TEX9: variants seen among roughly 807,000 people sequenced by gnomAD.
The protein encoded by TEX9 is testis-expressed protein 9.
In TEX9, 74 loss-of-function variants were observed where a neutral mutation model predicts 59.6. That is an observed-to-expected ratio of 1.24 (90% CI 1.03 to 1.51). The LOEUF is 1.51. Ranked by LOEUF, TEX9 falls within the 40% of genes most tolerant of loss-of-function variation. The pLI is 0.00. For missense variants in TEX9, 522 were observed against 447.8 expected (o/e 1.17, Z -1.49); for synonymous variants, 186 against 152.2 (o/e 1.22, Z -1.64).
chr15:56,438,524 C>A (rs1180343303), intron 12 of TEX9, among the ~76,000 whole-genome samples: 2 of 151,978 alleles, frequency 1.3e-5, no homozygotes, highest in Non-Finnish European at 2.9e-5. Context: ...CATGTTAGAC[C>A]TAAAACCATA....
intron 10 of TEX9, among the ~76,000 whole-genome samples, chr15:56,414,475 T>C (rs570465061): frequency 1.9e-4 from 29 of 151,832 alleles, no homozygotes; most frequent in Non-Finnish European, 3.7e-4. Flanking sequence ...CTCCCACTTA[T>C]AAGTGAAAAC....
intron 12 of TEX9, among the ~76,000 whole-genome samples, chr15:56,440,094 C>G (rs898708109): frequency 6.6e-6 from 1 of 152,050 alleles, no homozygotes; most frequent in Non-Finnish European, 1.5e-5. Flanking sequence ...ATTAGAGAAT[C>G]AGCAAAAGAC....
At chr15:56,309,069 A>G (rs779025106) in intron 1 of TEX9, among the ~76,000 whole-genome samples, 1 of 152,178 alleles carries the variant, frequency 6.6e-6, no homozygotes, top group Non-Finnish European at 1.5e-5. Flanking sequence ...AAGCTTATCA[A>G]TCTACATAAA....
chr15:56,317,420 CCT>C (rs1374684290), intron 1 of TEX9, among the ~76,000 whole-genome samples: 23 of 152,230 alleles, frequency 1.5e-4, no homozygotes, highest in African/African-American at 4.3e-4. Flanking sequence ...TAAGTTTTCC[CCT>C]CTCTTTTCCT....
intron 1 of TEX9, among the ~76,000 whole-genome samples, chr15:56,306,192 A>T (rs1394992494): frequency 7.4e-6 from 1 of 135,780 alleles, no homozygotes; most frequent in African/African-American, 2.8e-5. Flanking sequence ...AACAGTATGG[A>T]GGTTCCTCAG....
At chr15:56,252,981 T>C (rs1218873010) in intron 1 of TEX9, among the ~76,000 whole-genome samples, 2 of 152,144 alleles carry the variant, frequency 1.3e-5, no homozygotes, top group African/African-American at 4.8e-5. Context: ...CCTTCCTTTT[T>C]TTCTGGAAGG....
intron 1 of TEX9, among the ~76,000 whole-genome samples, chr15:56,330,750 A>G (rs912159068): frequency 1.3e-5 from 2 of 152,074 alleles, no homozygotes; most frequent in East Asian, 1.9e-4. Flanking sequence ...ATAAGAAAGA[A>G]GAGAAGGCCA....
intron 1 of TEX9, among the ~76,000 whole-genome samples, chr15:56,351,813 ATTTC>A (rs2046586101): frequency 6.6e-6 from 1 of 152,178 alleles, no homozygotes; most frequent in Non-Finnish European, 1.5e-5. Flanking sequence ...GTCATTGTGT[ATTTC>A]TTTAATTCAA....
chr15:56,322,283 T>G (rs1021099005), intron 1 of TEX9, among the ~76,000 whole-genome samples: 8 of 152,110 alleles, frequency 5.3e-5, no homozygotes, highest in Non-Finnish European at 1.2e-4. Flanking sequence ...CATTTTATTT[T>G]AAGTGTGGCA....
chr15:56,340,026 G>A lies in TEX9; in HGVS notation c.-106-33415G>A, dbSNP rs546038159. ...ACCTTGTATTTTAGAGGCCAAAGTG[G>A]ATAATGACTTGGGGATATGATGGGT... On this transcript the variant is annotated intron_variant, in intron 1 of 5. Transcript: ENST00000560827. Among the ~76,000 whole-genome samples the A allele has an allele frequency of 5.3e-5, 8 of 152,202 alleles. No homozygotes were observed. The South Asian group carries it at 1.2e-3, about 24-fold the overall frequency.
At chr15:56,284,962 G>A (rs1421310402) in intron 1 of TEX9, among the ~76,000 whole-genome samples, 1 of 151,962 alleles carries the variant, frequency 6.6e-6, no homozygotes, top group Non-Finnish European at 1.5e-5. Context: ...GCTCAATTTT[G>A]TATAATGTTC....
At chr15:56,307,556 G>C (rs1179716750) in intron 1 of TEX9, among the ~76,000 whole-genome samples, 1 of 152,156 alleles carries the variant, frequency 6.6e-6, no homozygotes, top group Non-Finnish European at 1.5e-5. Context: ...ATATTTGCCA[G>C]GCATTTAAAA....
intron 1 of TEX9, among the ~76,000 whole-genome samples, chr15:56,315,920 C>G (rs1181704024): frequency 2.6e-5 from 4 of 151,616 alleles, no homozygotes; most frequent in African/African-American, 9.6e-5. Flanking sequence ...ATCGCTGATA[C>G]CCTTTCTTCC....
intron 1 of TEX9, among the ~76,000 whole-genome samples, chr15:56,322,391 A>G (rs1206669929): frequency 6.6e-6 from 1 of 152,196 alleles, no homozygotes; most frequent in Non-Finnish European, 1.5e-5. Context: ...TTAGGGGGCA[A>G]TTATGGAATT....
At chr15:56,327,160 T>C (rs1198625841) in intron 1 of TEX9, among the ~76,000 whole-genome samples, 1 of 152,226 alleles carries the variant, frequency 6.6e-6, no homozygotes, top group Non-Finnish European at 1.5e-5. Flanking sequence ...ATAACATTAA[T>C]TTGTAGTTGT....
chr15:56,249,950 A>T (rs936771326), intron 1 of TEX9, among the ~76,000 whole-genome samples: 1 of 152,078 alleles, frequency 6.6e-6, no homozygotes, highest in East Asian at 1.9e-4. Context: ...CTCTTGGCCC[A>T]TAAGTGGAGG....
intron 12 of TEX9, chr15:56,434,042 G>T: frequency 7.6e-7 from 1 of 1,309,430 alleles, no homozygotes; most frequent in South Asian, 1.5e-5. Flanking sequence ...AACATTGTCT[G>T]GCATATAAAG....
At chr15:56,271,665 A>G (rs1271131995) in intron 1 of TEX9, among the ~76,000 whole-genome samples, 8 of 152,138 alleles carry the variant, frequency 5.3e-5, no homozygotes, top group African/African-American at 1.7e-4. Context: ...TAATATTGCC[A>G]CACCAGTTTT....
At chr15:56,372,558 G>A (rs901846644) in intron 2 of TEX9, among the ~76,000 whole-genome samples, 1 of 152,158 alleles carries the variant, frequency 6.6e-6, no homozygotes, top group Non-Finnish European at 1.5e-5. Flanking sequence ...AATAGGGACA[G>A]AGTTCAGTAC....
Sources: allele counts gnomAD v4.1 joint callset (sites outside exome capture counted in the v4.1 genomes callset), GRCh38; gene constraint gnomAD v4.1.1; transcripts MANE v1.5; gene names NCBI Gene and HGNC (gene_info 2026-07-23, HGNC 2026-07-21).